The following DHRS12 variants were observed in gnomAD, a reference collection of about 807,000 sequenced individuals.
DHRS12 encodes the protein dehydrogenase/reductase SDR family member 12.
Under a neutral mutation model 32.1 loss-of-function variants are expected in DHRS12, and 29 were observed. That is an observed-to-expected ratio of 0.90 (90% CI 0.67 to 1.23). DHRS12 has a LOEUF of 1.23. DHRS12 is among the 50% of genes most tolerant of loss of function. The pLI is 0.00. For missense variants in DHRS12, 330 were observed against 337.2 expected (o/e 0.98, Z 0.17); for synonymous variants, 150 against 135.9 (o/e 1.10, Z -0.72).
rs532985197 is a variant in DHRS12 at position 51,771,323 on chromosome 13, C to A, written c.559+498G>T. The A allele has an allele frequency of 2.0e-5, 31 of 1,589,332 alleles. No homozygotes were observed. In the Admixed American group the frequency reaches 5.1e-4, roughly 26 times the overall value. On this transcript the variant is annotated intron_variant, in intron 7 of 8. Coordinates refer to ENST00000444610, the MANE Select transcript of DHRS12 (RefSeq NM_001377533.1). The stretch of plus-strand genomic sequence containing the variant: ...GGTCATGGAGTTGGTGAGGCCAATC[C>A]GGAAGAGAATTCTGCTCCCCTCCAC...
At chr13:51,773,786 A>G in intron 6 of DHRS12, 144 bp downstream of exon 6, 1 of 683,720 alleles carries the variant, frequency 1.5e-6, no homozygotes, top group Non-Finnish European at 2.5e-6. Flanking sequence ...CCCAAAGGGG[A>G]GCCCTCTTGG....
chr13:51,779,736 G>C (rs1394640614), intron 4 of DHRS12, among the ~76,000 whole-genome samples: 1 of 152,180 alleles, frequency 6.6e-6, no homozygotes, highest in Admixed American at 6.5e-5. Flanking sequence ...TGTGAGGGCT[G>C]CCCTTGTAGC....
the DHRS12 span, among the ~76,000 whole-genome samples, chr13:51,755,051 C>T: frequency 3.0e-3 from 463 of 152,322 alleles, 2 homozygotes; most frequent in African/African-American, 0.011. Flanking sequence ...GTCAGAGGCT[C>T]CTGTGATCTC....
the DHRS12 span, among the ~76,000 whole-genome samples, chr13:51,755,695 G>C: frequency 6.6e-6 from 1 of 151,966 alleles, no homozygotes; most frequent in African/African-American, 2.4e-5. Context: ...TTAGAATTCT[G>C]TTGGCCTCTA....
At chr13:51,802,337 G>A (rs140453715) in intron 1 of DHRS12, among the ~76,000 whole-genome samples, 92 of 152,316 alleles carry the variant, frequency 6.0e-4, no homozygotes, top group Non-Finnish European at 1.1e-3. Flanking sequence ...GAAATGCCCT[G>A]CCTACTGACT....
At chr13:51,781,478 A>G (rs1422990657) in intron 4 of DHRS12, among the ~76,000 whole-genome samples, 3 of 152,134 alleles carry the variant, frequency 2.0e-5, no homozygotes, top group Non-Finnish European at 4.4e-5. Context: ...GGCATTACAC[A>G]TGTTACTACG....
At chr13:51,783,584 C>T (rs569110186) in intron 4 of DHRS12, among the ~76,000 whole-genome samples, 2 of 152,200 alleles carry the variant, frequency 1.3e-5, no homozygotes, top group South Asian at 2.1e-4. Flanking sequence ...TGGTGTGATT[C>T]GGAAGAACTC....
intron 7 of DHRS12, chr13:51,771,526 C>T (rs1278182524): frequency 6.2e-7 from 1 of 1,612,634 alleles, no homozygotes; most frequent in Non-Finnish European, 8.5e-7. Context: ...GTCACCGGCT[C>T]CCTCTCTCAC....
intron 3 of DHRS12, 83 bp from the exon 4 acceptor site, chr13:51,790,175 C>T (rs1955201511): frequency 2.0e-6 from 2 of 1,017,122 alleles, no homozygotes. Flanking sequence ...CACTACCCCA[C>T]CCCCAGCTCT....
At chr13:51,761,535 T>G in the DHRS12 span, 2 of 152,184 alleles carry the variant, frequency 1.3e-5, no homozygotes, top group African/African-American at 2.4e-5. Context: ...CACAGTGTCT[T>G]GCTCTCTTCT....
intron 3 of DHRS12, among the ~76,000 whole-genome samples, chr13:51,790,684 T>G (rs1278086220): frequency 1.3e-5 from 2 of 152,104 alleles, no homozygotes; most frequent in Non-Finnish European, 2.9e-5. Flanking sequence ...ACTCTTCGGA[T>G]AGAAAAGCAA....
chr13:51,784,653 C>T (rs911302462), intron 4 of DHRS12, among the ~76,000 whole-genome samples: 25 of 152,278 alleles, frequency 1.6e-4, no homozygotes, highest in Middle Eastern at 3.4e-3. Context: ...AGGAACAAAA[C>T]GATGCATGAG....
At chr13:51,799,312 C>A (rs1955647608) in intron 2 of DHRS12, among the ~76,000 whole-genome samples, 1 of 152,172 alleles carries the variant, frequency 6.6e-6, no homozygotes, top group Admixed American at 6.5e-5. Flanking sequence ...GTGGGCAGGA[C>A]CCCAAGCTCG....
chr13:51,781,384 T>C (rs1388482531), intron 4 of DHRS12, among the ~76,000 whole-genome samples: 1 of 152,108 alleles, frequency 6.6e-6, no homozygotes, highest in East Asian at 1.9e-4. Flanking sequence ...CAAGTATTTA[T>C]CAAGGGCCCA....
intron 1 of DHRS12, among the ~76,000 whole-genome samples, chr13:51,803,229 G>A (rs1301176910): frequency 6.6e-6 from 1 of 152,198 alleles, no homozygotes; most frequent in Non-Finnish European, 1.5e-5. Context: ...TAAAGCCCCA[G>A]TGCAGGGAGA....
chr13:51,759,975 TA>T, the DHRS12 span: 1 of 510,468 alleles, frequency 2.0e-6, no homozygotes, highest in East Asian at 2.9e-5. Context: ...TCATACAATA[TA>T]AAAGAAGCTA....
intron 5 of DHRS12, chr13:51,774,574 TGTATTCTCCTACA>T (rs1298215869): frequency 2.1e-4 from 2 of 9,714 alleles, no homozygotes; most frequent in African/African-American, 4.9e-4. Flanking sequence ...TTCTCCTACA[TGTATTCTCCTACA>T]GTATTCTCCT....
intron 4 of DHRS12, among the ~76,000 whole-genome samples, chr13:51,781,744 G>A (rs1348940505): frequency 6.6e-6 from 1 of 152,226 alleles, no homozygotes; most frequent in Non-Finnish European, 1.5e-5. Context: ...GAGCATGGTA[G>A]AGGGTAGGGC....
chr13:51,766,848 TTGCTGTGCTGTTTAGCCCTGTGGGTTC>T (rs1953766653), downstream of DHRS12: 1 of 152,228 alleles, frequency 6.6e-6, no homozygotes, highest in Admixed American at 6.5e-5. Context: ...ACCGACAACC[TTGCTGTGCTGTTTAGCCCTGTGGGTTC>T]TGTCCAGTTG....
Sources: allele counts gnomAD v4.1 joint callset (sites outside exome capture counted in the v4.1 genomes callset), GRCh38; gene constraint gnomAD v4.1.1; transcripts MANE v1.5; gene names NCBI Gene and HGNC (gene_info 2026-07-23, HGNC 2026-07-21).